The following NAV1 variants were observed in gnomAD, a reference collection of about 807,000 sequenced individuals.
NAV1 encodes the protein pore membrane and/or filament interacting like protein 3.
In NAV1, 18 loss-of-function variants were observed where a neutral mutation model predicts 175.2. The ratio of observed to expected loss-of-function variants is 0.10; its 90% CI spans 0.07 to 0.15. The LOEUF is 0.15. NAV1 is among the 10% of genes least tolerant of loss of function. The pLI is 1.00. For missense variants in NAV1, 1,731 were observed against 2,436.6 expected (o/e 0.71, Z 6.10); for synonymous variants, 897 against 978.7 (o/e 0.92, Z 1.56).
At chr1:201,670,071 G>C (rs1669976486) in intron 1 of NAV1, among the ~76,000 whole-genome samples, 1 of 151,790 alleles carries the variant, frequency 6.6e-6, no homozygotes, top group African/African-American at 2.4e-5. Context: ...AAACCCTTTA[G>C]TTTTCTAATA....
rs1437519167 is a variant in NAV1, at chr1:201,556,760, G to A, written c.-144+17418G>A. ...TAGAGGCTTGCCACCAGTCCTTGGG[G>A]CCCTCTCTGGAGAAATGCCCCTCTC... is the stretch of plus-strand genomic sequence containing the variant. On this transcript the variant is annotated intron_variant, in intron 1 of 33. Transcript: ENST00000685211. Among the ~76,000 whole-genome samples, 4 of 152,160 alleles carry A rather than the reference G, an allele frequency of 2.6e-5. No homozygotes were observed. The South Asian group carries it at 6.2e-4, about 24-fold the overall frequency.
At chr1:201,739,947 T>A in intron 3 of NAV1, 1 of 1,370,934 alleles carries the variant, frequency 7.3e-7, no homozygotes, top group Non-Finnish European at 9.5e-7. Context: ...TTTTCGGGTG[T>A]CCCCGGGTGT....
rs546610041 is a variant in NAV1 at position 201,718,772 on chromosome 1, C to T, written c.1226+17C>T. The T allele has an allele frequency of 5.1e-6, 8 of 1,583,212 alleles. No individual in the cohort carries two copies. Among genetic ancestry groups the T allele is most frequent in the Non-Finnish European group, 6.9e-6 (8 of 1,158,422 alleles). On this transcript the variant is annotated intron_variant, in intron 3 of 29. Coordinates refer to ENST00000367296, the Ensembl canonical transcript of NAV1. The surrounding 1 kb of genome is among the most constrained non-coding windows in gnomAD (Gnocchi z 4.8). ...CACTACCGGGTAAGCGCAGGGGCTTCTTGGATGGCGGGGGAGGATGGTGGA... is the reference window on the plus strand; with the variant it reads ...CACTACCGGGTAAGCGCAGGGGCTTTTTGGATGGCGGGGGAGGATGGTGGA...
chr1:201,813,050 C>G lies in NAV1; in HGVS notation c.5222-90C>G, dbSNP rs1678791633. The G allele has an allele frequency of 1.1e-6, 1 of 900,754 alleles. No individual in the cohort carries two copies. The highest frequency in any genetic ancestry group is 1.7e-5 in the African/African-American group (1 of 59,814). 55.8% of individuals were successfully genotyped at this position (900,754 alleles called of 1,614,324 possible). On this transcript the variant is annotated intron_variant, in intron 27 of 29. Coordinates refer to ENST00000367296, the Ensembl canonical transcript of NAV1. The surrounding 1 kb of genome is among the most constrained non-coding windows in gnomAD (Gnocchi z 4.2). ...TCCTTTAATCCTTTGACTGTCAGAC[C>G]CCTCTGCCTGGTACTAAGGAGTAAA...
At chr1:201,814,244 C>A in intron 28 of NAV1, among the ~76,000 whole-genome samples, 1 of 151,922 alleles carries the variant, frequency 6.6e-6, no homozygotes, top group East Asian at 1.9e-4. Flanking sequence ...GTGGTGCACA[C>A]CTGTAGTCCC....
intron 1 of NAV1, among the ~76,000 whole-genome samples, chr1:201,675,428 G>A (rs1670209569): frequency 6.6e-6 from 1 of 152,158 alleles, no homozygotes; most frequent in South Asian, 2.1e-4. Flanking sequence ...CCAGCCTCGT[G>A]TAACCTCAGC....
In NAV1 at chr1:201,808,452, T is replaced by C. The variant is rs1392793774; in HGVS notation, c.3880T>C (p.Phe1294Leu). The C allele has an allele frequency of 1.9e-6, 3 of 1,614,146 alleles. No homozygotes were observed. The highest frequency in any genetic ancestry group is 2.5e-6 in the Non-Finnish European group (3 of 1,179,992). The change falls in exon 19 of 30, where the codon TTC becomes CTC. Residue 1294 changes from phenylalanine to leucine, a missense_variant. Physicochemically the swap from Phe to Leu is conservative, Grantham distance 22 (BLOSUM62 0). Coordinates refer to ENST00000367296, the Ensembl canonical transcript of NAV1. This position sits in a 1 kb window ranked among gnomAD's most constrained non-coding sequence, Gnocchi z 5.5. ...TCACCCAGCCCCCCACACTAGGCTGTTCCATGCAAATGAGGAGGAGGAGCC... is the reference window on the plus strand; with the variant it reads ...TCACCCAGCCCCCCACACTAGGCTGCTCCATGCAAATGAGGAGGAGGAGCC...
chr1:201,695,533 G>A (rs558319707), intron 1 of NAV1, among the ~76,000 whole-genome samples: 1 of 152,252 alleles, frequency 6.6e-6, no homozygotes. Flanking sequence ...CTGAACTCAG[G>A]TGCAGCTTTG....
At chr1:201,571,310 G>A (rs1169543641) in intron 1 of NAV1, among the ~76,000 whole-genome samples, 1 of 152,272 alleles carries the variant, frequency 6.6e-6, no homozygotes, top group Non-Finnish European at 1.5e-5. Flanking sequence ...GATCATGTGT[G>A]CAGGGTTCCT....
At chr1:201,675,031 C>CAAA (rs35348125) in intron 1 of NAV1, among the ~76,000 whole-genome samples, 6 of 84,260 alleles carry the variant, frequency 7.1e-5, no homozygotes, top group African/African-American at 1.6e-4. Context: ...GACTCTGTCT[C>CAAA]AAAAAAAAAA....
chr1:201,557,810 G>A (rs1250167596), intron 1 of NAV1, among the ~76,000 whole-genome samples: 1 of 152,192 alleles, frequency 6.6e-6, no homozygotes, highest in Non-Finnish European at 1.5e-5. Context: ...GAGACAGGAA[G>A]AAAGCACTCT....
At chr1:201,643,147 CCT>C (rs144040451) in intron 2 of NAV1, among the ~76,000 whole-genome samples, 54 of 145,356 alleles carry the variant, frequency 3.7e-4, no homozygotes, top group African/African-American at 1.1e-3. Flanking sequence ...TTCCTTCCTT[CCT>C]CTCTCTCTTT....
chr1:201,701,444 C>T (rs1024791191), intron 1 of NAV1, among the ~76,000 whole-genome samples: 1 of 151,786 alleles, frequency 6.6e-6, no homozygotes, highest in Non-Finnish European at 1.5e-5. Flanking sequence ...AGAAAAAGAG[C>T]CAGTAATATT....
intron 1 of NAV1, among the ~76,000 whole-genome samples, chr1:201,551,881 C>A (rs942976417): frequency 6.6e-6 from 1 of 152,220 alleles, no homozygotes; most frequent in African/African-American, 2.4e-5. Context: ...AATAAGCCGG[C>A]CCCTCCCAAT....
At chr1:201,814,617 AGACT>A (rs1678906492) in intron 28 of NAV1, among the ~76,000 whole-genome samples, 1 of 152,196 alleles carries the variant, frequency 6.6e-6, no homozygotes, top group African/African-American at 2.4e-5. Context: ...AGATGCTGTC[AGACT>A]GATGCCAGAA....
chr1:201,670,044 A>T (rs1450586983), intron 1 of NAV1, among the ~76,000 whole-genome samples: 1 of 152,074 alleles, frequency 6.6e-6, no homozygotes, highest in Non-Finnish European at 1.5e-5. Flanking sequence ...TGTATAAAGG[A>T]AATAAATTTG....
intron 2 of NAV1, among the ~76,000 whole-genome samples, chr1:201,591,356 G>A (rs1324767290): frequency 6.6e-6 from 1 of 152,146 alleles, no homozygotes; most frequent in Non-Finnish European, 1.5e-5. Context: ...TAGGAGATCT[G>A]TGCTCAGAGG....
chr1:201,621,398 A>T (rs534030303), upstream of NAV1, among the ~76,000 whole-genome samples: 1 of 147,256 alleles, frequency 6.8e-6, no homozygotes, highest in South Asian at 2.1e-4. Context: ...CAGTGGTGCA[A>T]TCTCAGCTCA....
At chr1:201,544,733 T>G (rs934283128) in intron 1 of NAV1, among the ~76,000 whole-genome samples, 22 of 152,244 alleles carry the variant, frequency 1.4e-4, no homozygotes, top group African/African-American at 5.3e-4. Context: ...AAATAAGTCA[T>G]GCAGAATAAG....
Sources: allele counts gnomAD v4.1 joint callset (sites outside exome capture counted in the v4.1 genomes callset), GRCh38; gene constraint gnomAD v4.1.1; non-coding constraint Gnocchi (gnomAD v3.1); transcripts MANE v1.5; gene names NCBI Gene and HGNC (gene_info 2026-07-23, HGNC 2026-07-21).